The following PRDM10 variants were observed in gnomAD, a reference collection of about 807,000 sequenced individuals.
PRDM10 encodes the protein PR domain zinc finger protein 10.
Under a neutral mutation model 133.1 loss-of-function variants are expected in PRDM10, and 65 were observed. That is an observed-to-expected ratio of 0.49 (90% CI 0.40 to 0.60). PRDM10 has a LOEUF of 0.60. Among genes scored for constraint, PRDM10 ranks in the 20% least tolerant of loss-of-function variants. The pLI, the probability that PRDM10 is intolerant of heterozygous loss-of-function variation, is 0.00. For synonymous variants in PRDM10, 582 were observed against 580.4 expected (o/e 1.00, Z -0.04); for missense variants, 1,137 against 1,507.1 (o/e 0.75, Z 4.07).
At chr11:129,994,465 CAAAAAAA>C (rs1187507792) in intron 1 of PRDM10, among the ~76,000 whole-genome samples, 1 of 79,506 alleles carries the variant, frequency 1.3e-5, no homozygotes, top group African/African-American at 5.0e-5. Flanking sequence ...AACTCTGCCT[CAAAAAAA>C]AAAAAAAAAA....
chr11:129,994,173 T>C (rs1258236408), intron 1 of PRDM10, among the ~76,000 whole-genome samples: 4 of 151,886 alleles, frequency 2.6e-5, no homozygotes, highest in Admixed American at 2.6e-4. Context: ...TATATATAAG[T>C]ATGAAAATAA....
intron 1 of PRDM10, among the ~76,000 whole-genome samples, chr11:129,972,576 G>A (rs908403353): frequency 6.6e-6 from 1 of 152,116 alleles, no homozygotes; most frequent in African/African-American, 2.4e-5. Context: ...ATAAAATCAC[G>A]TCAAGTTCAC....
intron 4 of PRDM10, among the ~76,000 whole-genome samples, chr11:129,953,826 CA>C (rs10542747): frequency 0.03 from 2,197 of 73,280 alleles, 22 homozygotes; most frequent in African/African-American, 0.059. Context: ...TTTATAGTAG[CA>C]AAAAAAAAAA....
chr11:129,994,907 C>T (rs569465097), intron 1 of PRDM10, among the ~76,000 whole-genome samples: 1 of 152,180 alleles, frequency 6.6e-6, no homozygotes, highest in African/African-American at 2.4e-5. Flanking sequence ...CCTGCCTCGG[C>T]CTCCCAAAGT....
intron 4 of PRDM10, among the ~76,000 whole-genome samples, chr11:129,950,198 C>T (rs1381058124): frequency 6.6e-6 from 1 of 152,036 alleles, no homozygotes; most frequent in African/African-American, 2.4e-5. Context: ...GATGGTGTCA[C>T]TCCAGCCTGG....
At chr11:129,991,697 C>T (rs1005861774) in intron 1 of PRDM10, among the ~76,000 whole-genome samples, 2 of 151,864 alleles carry the variant, frequency 1.3e-5, no homozygotes. Context: ...CACGCGCCTG[C>T]AATCCCAGCT....
chr11:129,974,937 G>A (rs554534730), intron 1 of PRDM10, among the ~76,000 whole-genome samples: 2 of 152,268 alleles, frequency 1.3e-5, no homozygotes, highest in South Asian at 2.1e-4. Flanking sequence ...GGTAAGTAAC[G>A]TATGGCTCCA....
At chr11:129,982,819 G>A (rs911153933) in intron 1 of PRDM10, among the ~76,000 whole-genome samples, 2 of 151,968 alleles carry the variant, frequency 1.3e-5, no homozygotes, top group African/African-American at 4.8e-5. Flanking sequence ...AATTAGCTGG[G>A]CATGGTGGTG....
At chr11:129,977,404 C>T (rs1466410857) in intron 1 of PRDM10, among the ~76,000 whole-genome samples, 2 of 152,122 alleles carry the variant, frequency 1.3e-5, no homozygotes, top group East Asian at 3.9e-4. Context: ...CTGCCTCAGC[C>T]TCCCCAGTAG....
Position 129,953,278 on chromosome 11 carries a change from G to A in PRDM10, c.294+2234C>T, listed in dbSNP as rs752200142. 3.3e-5 allele frequency among the ~76,000 whole-genome samples: 5 copies of A among 151,700 alleles called. No homozygotes were observed. The South Asian group carries it at 6.2e-4, about 19-fold the overall frequency. On this transcript the variant is annotated intron_variant, in intron 4 of 20. Coordinates refer to ENST00000360871, the MANE Select transcript of PRDM10 (RefSeq NM_199437.2). ...CAGGCATGATCCACTGCACCCAGCC[G>A]TCATTTCTGTGTGTTTTGTGTTTTG...
intron 1 of PRDM10, among the ~76,000 whole-genome samples, chr11:129,994,188 G>A (rs1938909403): frequency 7.0e-6 from 1 of 142,408 alleles, no homozygotes; most frequent in African/African-American, 2.8e-5. Context: ...AAATAAACTG[G>A]GGCTGGGTGC....
rs1229395842 is a variant in PRDM10 at position 129,989,245 on chromosome 11, G to C, written c.-119+13477C>G. Reference sequence around the variant, plus strand: ...GCTTTAAGCCCAGGAGTTCGAGGTTGCAGTGAGCGGTGATCATGCCACTGC... The same window carrying C: ...GCTTTAAGCCCAGGAGTTCGAGGTTCCAGTGAGCGGTGATCATGCCACTGC... On this transcript the variant is annotated intron_variant, in intron 1 of 20. Coordinates refer to ENST00000360871, the MANE Select transcript of PRDM10 (RefSeq NM_199437.2). Among the ~76,000 whole-genome samples, 3 of 152,050 alleles carry C rather than the reference G, an allele frequency of 2.0e-5. No homozygotes were observed. In the East Asian group the frequency reaches 5.8e-4, roughly 29 times the overall value.
At chr11:129,964,353 C>T (rs1951862460) in intron 1 of PRDM10, among the ~76,000 whole-genome samples, 1 of 152,168 alleles carries the variant, frequency 6.6e-6, no homozygotes, top group South Asian at 2.1e-4. Context: ...GTAAATGCAG[C>T]TGGCTCAAAA....
At chr11:129,966,014 C>T (rs1459429531) in intron 1 of PRDM10, among the ~76,000 whole-genome samples, 23 of 152,054 alleles carry the variant, frequency 1.5e-4, no homozygotes, top group South Asian at 2.1e-4. Flanking sequence ...GAGGCTGAGG[C>T]GGGCAGATCA....
At chr11:129,964,945 T>A (rs1951873984) in intron 1 of PRDM10, among the ~76,000 whole-genome samples, 1 of 152,230 alleles carries the variant, frequency 6.6e-6, no homozygotes, top group South Asian at 2.1e-4. Flanking sequence ...AATATATCAA[T>A]TTTCATATTT....
Position 129,944,901 on chromosome 11 carries a change from A to G in PRDM10, c.632T>C (p.Val211Ala). The G allele has an allele frequency of 6.2e-7, 1 of 1,614,110 alleles. No homozygotes were observed. The highest frequency in any genetic ancestry group is 2.2e-5 in the East Asian group (1 of 44,854). ...GCCCAGAAACCTGTCTATGTAGAGC[A>G]CCAGGGGGAGGCTCGCCCTGGCCCG... The part of the protein sequence containing the change: ...LTRARASLPL[V>A]LYIDRFLGGV... The change falls in exon 6 of 21, where the codon GTG (valine) becomes GCG (alanine). Residue 211 changes from valine to alanine, a missense_variant. Transcript: ENST00000360871.
At chr11:129,936,846 G>A (rs1287132456) in intron 8 of PRDM10, among the ~76,000 whole-genome samples, 2 of 151,976 alleles carry the variant, frequency 1.3e-5, no homozygotes, top group African/African-American at 4.8e-5. Flanking sequence ...ACCTAACTCT[G>A]GATAGTTAGT....
At chr11:129,936,316 A>C (rs1951027297) in intron 8 of PRDM10, among the ~76,000 whole-genome samples, 1 of 151,694 alleles carries the variant, frequency 6.6e-6, no homozygotes, top group Non-Finnish European at 1.5e-5. Flanking sequence ...TCTATATATT[A>C]TAATAAATAT....
chr11:129,988,311 C>T (rs1328394762), intron 1 of PRDM10, among the ~76,000 whole-genome samples: 1 of 152,136 alleles, frequency 6.6e-6, no homozygotes, highest in Non-Finnish European at 1.5e-5. Flanking sequence ...AGCTGCACAA[C>T]TCTTTGAATG....
Sources: gnomAD v4.1 joint callset for allele counts (sites outside exome capture counted in the v4.1 genomes callset) on GRCh38, gnomAD v4.1.1 for gene constraint, MANE v1.5 for transcripts, NCBI Gene and HGNC (gene_info 2026-07-23, HGNC 2026-07-21) for gene names.